The following PLEKHM3 variants were observed in gnomAD, a reference collection of about 807,000 sequenced individuals.
PLEKHM3 encodes pleckstrin homology domain-containing family M member 3.
PLEKHM3 carries 45 observed loss-of-function variants against 81.8 expected under a neutral mutation model. The observed-to-expected ratio is 0.55, with a 90% CI of 0.43 to 0.71. The LOEUF (loss-of-function observed/expected upper bound fraction) is 0.71. Ranked by LOEUF, PLEKHM3 falls within the 30% of genes least tolerant of loss-of-function variation. PLEKHM3 has a pLI of 0.00. For missense variants in PLEKHM3, 788 were observed against 924.3 expected (o/e 0.85, Z 1.91); for synonymous variants, 352 against 356.4 (o/e 0.99, Z 0.14).
Position 208,017,820 on chromosome 2 carries a change from A to C in PLEKHM3, c.-319+7569T>G, listed in dbSNP as rs568453151. Among the ~76,000 whole-genome samples the C allele has an allele frequency of 2.0e-5, 3 of 152,178 alleles. No individual in the cohort carries two copies. The East Asian group carries it at 5.8e-4, about 29-fold the overall frequency. ...TTTTCACTCAGCATCTGACCTAACC[A>C]CACAGCAGTATTTGACCTACTGAAC... On this transcript the variant is annotated intron_variant, in intron 1 of 7. Coordinates refer to ENST00000427836, the MANE Select transcript of PLEKHM3 (RefSeq NM_001080475.3).
At chr2:207,983,310 C>T (rs1691605482) in intron 2 of PLEKHM3, among the ~76,000 whole-genome samples, 1 of 152,172 alleles carries the variant, frequency 6.6e-6, no homozygotes, top group Non-Finnish European at 1.5e-5. Context: ...CTCGGCCTCC[C>T]AAAGTGCTGG....
chr2:207,918,903 T>C (rs1445189395), intron 5 of PLEKHM3, among the ~76,000 whole-genome samples: 2 of 152,180 alleles, frequency 1.3e-5, no homozygotes, highest in African/African-American at 4.8e-5. Context: ...GCAAAACGTC[T>C]ACATTCACAC....
At chr2:208,018,643 G>A (rs553431887) in intron 1 of PLEKHM3, among the ~76,000 whole-genome samples, 4 of 152,176 alleles carry the variant, frequency 2.6e-5, no homozygotes, top group South Asian at 2.1e-4. Context: ...CTCTGTCTCC[G>A]TTGCCTTCAT....
Position 207,828,444 on chromosome 2 carries a change from G to C in PLEKHM3, c.2161C>G (p.Pro721Ala), listed in dbSNP as rs185253126. 1 of 1,614,038 alleles carries C rather than the reference G, an allele frequency of 6.2e-7. No homozygotes were observed. Among genetic ancestry groups the C allele is most frequent in the African/African-American group, 1.3e-5 (1 of 74,980 alleles). The change falls in exon 8 of 8, where the codon CCC becomes GCC. Residue 721 changes from proline to alanine, a missense_variant. Pro to Ala is a conservative substitution (Grantham distance 27, BLOSUM62 -1). Coordinates refer to ENST00000427836, the MANE Select transcript of PLEKHM3 (RefSeq NM_001080475.3). The part of the protein sequence containing the change: ...FHSECKEKSV[P>A]CPRCVRRELQ... The stretch of plus-strand genomic sequence containing the variant: ...TCTCGGCGAACACACCTCGGGCAGG[G>C]GACAGACTTTTCTTTGCATTCAGAA...
At position 207,985,235 on chromosome 2, in the gene PLEKHM3, G is replaced by A. The variant is rs552690572; in HGVS notation, c.611-7649C>T. Among the ~76,000 whole-genome samples, 17 of 150,620 alleles carry A rather than the reference G, an allele frequency of 1.1e-4. No individual in the cohort carries two copies. The South Asian group carries it at 2.1e-3, about 19-fold the overall frequency. ...CAGTCCCCCACCTAGATCTTCCTTC[G>A]TCTCTGCTTGTCCAAGTTCTCCTCA... On this transcript the variant is annotated intron_variant, in intron 2 of 7. Transcript: ENST00000427836.
rs1326295335 is a variant in PLEKHM3 at position 208,009,519 on chromosome 2, C to A, written c.-318-7562G>T. ...AGCCTATTTTGTGCCAGGTATGTCG[C>A]TTGGTATTTCATATCTCTAAGCCCC... On this transcript the variant is annotated intron_variant, in intron 1 of 7. Coordinates refer to ENST00000427836, the MANE Select transcript of PLEKHM3 (RefSeq NM_001080475.3). Among the ~76,000 whole-genome samples, 4 of 152,306 alleles carry A rather than the reference C, an allele frequency of 2.6e-5. No homozygotes were observed. The East Asian group carries it at 7.7e-4, about 29-fold the overall frequency.
At chr2:207,836,490 T>C (rs1186424732) in intron 7 of PLEKHM3, among the ~76,000 whole-genome samples, 22 of 152,156 alleles carry the variant, frequency 1.4e-4, no homozygotes, top group Non-Finnish European at 2.9e-4. Context: ...ATTGTAGTTA[T>C]TGAAACTAGG....
rs370986896 is a variant in PLEKHM3 at position 207,986,838 on chromosome 2, AT to A, written c.611-9253del. 6.9e-3 allele frequency among the ~76,000 whole-genome samples: 869 copies of A among 126,294 alleles called. 8 individuals are homozygous for A. The highest frequency in any genetic ancestry group is 0.023 in the African/African-American group (712 of 31,058). The allele number at this position is 126,294 out of a possible 152,430, so 82.9% of individuals were successfully genotyped here. On this transcript the variant is annotated intron_variant, in intron 2 of 7. Coordinates refer to ENST00000427836, the MANE Select transcript of PLEKHM3 (RefSeq NM_001080475.3). ...GGCGTGTGCCAACCATGCCCAGCTA[AT>A]TTTTTTTTTTTTTTTTTTTTTGTAG...
intron 7 of PLEKHM3, among the ~76,000 whole-genome samples, chr2:207,837,864 G>A (rs1183975223): frequency 2.8e-4 from 40 of 143,318 alleles, no homozygotes; most frequent in East Asian, 2.1e-4. Flanking sequence ...TCCATATCCC[G>A]GGTTCAAGCG....
chr2:207,984,232 G>A (rs912503784), intron 2 of PLEKHM3, among the ~76,000 whole-genome samples: 1 of 152,054 alleles, frequency 6.6e-6, no homozygotes. Flanking sequence ...GCAAATCACA[G>A]ACATTTGTTT....
At chr2:207,929,371 A>G (rs1161225545) in intron 5 of PLEKHM3, among the ~76,000 whole-genome samples, 6 of 152,244 alleles carry the variant, frequency 3.9e-5, no homozygotes, top group African/African-American at 1.4e-4. Context: ...CTGATTTGGC[A>G]TATTTTAAGC....
chr2:207,854,293 T>A (rs1574337987), intron 7 of PLEKHM3, among the ~76,000 whole-genome samples: 1 of 152,220 alleles, frequency 6.6e-6, no homozygotes, highest in African/African-American at 2.4e-5. Context: ...ATATAACAAA[T>A]CCCTGTGTAC....
chr2:208,018,613 T>C lies in PLEKHM3; in HGVS notation c.-319+6776A>G, dbSNP rs146017607. On this transcript the variant is annotated intron_variant, in intron 1 of 7. Coordinates refer to ENST00000427836, the MANE Select transcript of PLEKHM3 (RefSeq NM_001080475.3). ...GTCATATGAATTCTCATCTACAGCA[T>C]TGGCCACATCTATCCATTTCTCTGT... is the stretch of plus-strand genomic sequence containing the variant. Among the ~76,000 whole-genome samples, 410 of 152,246 alleles carry C rather than the reference T, an allele frequency of 2.7e-3. 2 individuals are homozygous for C. Among genetic ancestry groups the C allele is most frequent in the African/African-American group, 9.3e-3 (385 of 41,538 alleles).
At chr2:207,838,381 A>T (rs1481752423) in intron 7 of PLEKHM3, among the ~76,000 whole-genome samples, 1 of 152,238 alleles carries the variant, frequency 6.6e-6, no homozygotes, top group Non-Finnish European at 1.5e-5. Flanking sequence ...AAGCATTTGC[A>T]CTTTTAGTTT....
At position 208,001,459 on chromosome 2, in the gene PLEKHM3, T is replaced by C. The variant is rs779568131; in HGVS notation, c.181A>G (p.Arg61Gly). ...CCCTTGCCCAGGGAGGTGACATTTC[T>C]CATAGCACCATTGTCTGTTATGTTA... ...LSNITDNGAMRNVTSLGKGGM... is the reference protein window; with the variant it reads ...LSNITDNGAMGNVTSLGKGGM... The change falls in exon 2 of 8, where the codon AGA becomes GGA. Residue 61 changes from arginine (R) to glycine (G), a missense_variant. Transcript: ENST00000427836. 1.9e-6 allele frequency: 3 copies of C among 1,614,174 alleles called. No individual in the cohort carries two copies. Among genetic ancestry groups the C allele is most frequent in the Non-Finnish European group, 2.5e-6 (3 of 1,180,026 alleles).
At chr2:207,904,705 G>A (rs1688548280) in intron 6 of PLEKHM3, among the ~76,000 whole-genome samples, 1 of 152,190 alleles carries the variant, frequency 6.6e-6, no homozygotes, top group Non-Finnish European at 1.5e-5. Flanking sequence ...AAATGTAAGG[G>A]AAAATGCATG....
chr2:207,937,795 C>T (rs894932391), intron 4 of PLEKHM3, among the ~76,000 whole-genome samples: 1 of 152,072 alleles, frequency 6.6e-6, no homozygotes, highest in African/African-American at 2.4e-5. Context: ...TGTTTATTCC[C>T]ATCTCTATCA....
At chr2:208,012,346 A>C (rs1286522966) in intron 1 of PLEKHM3, among the ~76,000 whole-genome samples, 1 of 152,214 alleles carries the variant, frequency 6.6e-6, no homozygotes, top group Non-Finnish European at 1.5e-5. Flanking sequence ...GAGGTGAGTA[A>C]AGTAATGGGA....
At chr2:207,943,867 C>CGAAAA (rs1559248980) in intron 4 of PLEKHM3, among the ~76,000 whole-genome samples, 1 of 75,768 alleles carries the variant, frequency 1.3e-5, no homozygotes, top group Non-Finnish European at 2.4e-5. Flanking sequence ...GACTCCGTCT[C>CGAAAA]AAAAAAAAAA....
Sources: gnomAD v4.1 joint callset for allele counts (sites outside exome capture counted in the v4.1 genomes callset) on GRCh38, gnomAD v4.1.1 for gene constraint, MANE v1.5 for transcripts, NCBI Gene and HGNC (gene_info 2026-07-23, HGNC 2026-07-21) for gene names.